Variants in ELK3 observed in about 807,000 individuals in gnomAD.
ELK3 encodes the protein ETS domain-containing protein Elk-3.
ELK3 carries 10 observed loss-of-function variants against 28.9 expected under a neutral mutation model. That is an observed-to-expected ratio of 0.35 (90% CI 0.21 to 0.59). The LOEUF is 0.59. ELK3 is among the 20% of genes least tolerant of loss of function. The pLI, the probability that ELK3 is intolerant of heterozygous loss-of-function variation, is 0.82. For synonymous variants in ELK3, 272 were observed against 243.5 expected, an observed-to-expected ratio of 1.12 and a Z score of -1.09; for missense variants, 463 against 517.3, an observed-to-expected ratio of 0.90 and a Z score of 1.02.
intron 1 of ELK3, among the ~76,000 whole-genome samples, chr12:96,218,053 T>C (rs955935884): frequency 4.6e-5 from 7 of 151,858 alleles, no homozygotes; most frequent in African/African-American, 1.7e-4. Flanking sequence ...CTCTAAATCA[T>C]CTAACTTCAC....
chr12:96,236,211 A>G (rs757520444), intron 2 of ELK3, among the ~76,000 whole-genome samples: 12 of 152,156 alleles, frequency 7.9e-5, no homozygotes, highest in Non-Finnish European at 1.6e-4. Context: ...CAGGAGGGAG[A>G]CAGGACTCCA....
chr12:96,197,907 G>T (rs1034763716), intron 1 of ELK3: 1 of 152,120 alleles, frequency 6.6e-6, no homozygotes, highest in Admixed American at 6.6e-5. Flanking sequence ...TCCTGAAATT[G>T]GTTTTAAAGG....
intron 2 of ELK3, among the ~76,000 whole-genome samples, chr12:96,232,178 T>C (rs939421595): frequency 2.0e-5 from 3 of 152,098 alleles, no homozygotes; most frequent in Non-Finnish European, 4.4e-5. Flanking sequence ...CAGAGTATCT[T>C]GGGAGTGAGG....
At chr12:96,205,044 T>C (rs1399009259) in intron 1 of ELK3, among the ~76,000 whole-genome samples, 3 of 152,226 alleles carry the variant, frequency 2.0e-5, no homozygotes, top group African/African-American at 7.2e-5. Context: ...AATAGGTGAC[T>C]TCAGTTGGTG....
At chr12:96,253,934 G>A (rs191673484) in intron 3 of ELK3, among the ~76,000 whole-genome samples, 5 of 152,298 alleles carry the variant, frequency 3.3e-5, no homozygotes, top group East Asian at 1.9e-4. Context: ...TCCAGCATAC[G>A]GGGCAATATA....
intron 1 of ELK3, among the ~76,000 whole-genome samples, chr12:96,197,553 G>C (rs562465435): frequency 6.6e-6 from 1 of 152,308 alleles, no homozygotes; most frequent in African/African-American, 2.4e-5. Context: ...TTTTTGGTCA[G>C]TAACATGCAA....
chr12:96,260,010 G>C (rs909455712), intron 4 of ELK3, among the ~76,000 whole-genome samples, 157 bp downstream of exon 4: 16 of 152,312 alleles, frequency 1.1e-4, no homozygotes, highest in African/African-American at 3.8e-4. Context: ...GCCCTTCAGA[G>C]GCAGACATTT....
At chr12:96,264,965 G>GAA (rs1565794724) in intron 4 of ELK3, among the ~76,000 whole-genome samples, 3 of 152,148 alleles carry the variant, frequency 2.0e-5, no homozygotes, top group Admixed American at 1.3e-4. Flanking sequence ...TAACACACTC[G>GAA]TAAGTGGTGG....
intron 1 of ELK3, among the ~76,000 whole-genome samples, chr12:96,195,324 G>C (rs148376658): frequency 0.021 from 3,269 of 152,290 alleles, 52 homozygotes; most frequent in Middle Eastern, 0.031. Context: ...CCCCCGCCCA[G>C]GTCACCGCCC....
Position 96,201,715 on chromosome 12 carries a change from A to G in ELK3, c.-3+7010A>G, listed in dbSNP as rs181254002. Among the ~76,000 whole-genome samples the G allele has an allele frequency of 3.9e-3, 595 of 152,192 alleles. 7 individuals are homozygous for G. Among genetic ancestry groups the G allele is most frequent in the African/African-American group, 0.013 (548 of 41,512 alleles). ...CTCCTAAGAGTTGTGAAAGTGTGATATGAACTTCTTGCTGTCATCTCCAGA... is the reference window on the plus strand; with the variant it reads ...CTCCTAAGAGTTGTGAAAGTGTGATGTGAACTTCTTGCTGTCATCTCCAGA... On this transcript the variant is annotated intron_variant, in intron 1 of 4. Coordinates refer to ENST00000228741, the MANE Select transcript of ELK3 (RefSeq NM_005230.4).
At chr12:96,217,992 C>T (rs896315784) in intron 1 of ELK3, among the ~76,000 whole-genome samples, 1 of 150,872 alleles carries the variant, frequency 6.6e-6, no homozygotes, top group African/African-American at 2.4e-5. Flanking sequence ...AATCACTTTT[C>T]CTCCTCCTCC....
rs369393360 is a variant in ELK3, at chr12:96,235,716, G to A, written c.208-11224G>A. On this transcript the variant is annotated intron_variant, in intron 2 of 4. Coordinates refer to ENST00000228741, the MANE Select transcript of ELK3 (RefSeq NM_005230.4). ...CTGCCCGGCCATGCCATCTGCCAGC[G>A]CTGGAGGTGGCCGCTCAACACAGGA... Among the ~76,000 whole-genome samples the A allele has an allele frequency of 6.1e-4, 93 of 152,276 alleles. 1 individual carries two copies. In the East Asian group the frequency reaches 8.5e-3, roughly 14 times the overall value.
intron 2 of ELK3, among the ~76,000 whole-genome samples, chr12:96,233,341 A>AC (rs1159762165): frequency 1.3e-5 from 2 of 151,776 alleles, no homozygotes; most frequent in African/African-American, 4.8e-5. Context: ...TGAACATTCA[A>AC]CCCCGGGGGA....
At chr12:96,205,544 G>C (rs1299555974) in intron 1 of ELK3, among the ~76,000 whole-genome samples, 1 of 152,136 alleles carries the variant, frequency 6.6e-6, no homozygotes, top group Non-Finnish European at 1.5e-5. Flanking sequence ...CACAATCATA[G>C]CTCACTGCAG....
At chr12:96,257,937 A>G (rs1951963712) in intron 3 of ELK3, among the ~76,000 whole-genome samples, 1 of 152,258 alleles carries the variant, frequency 6.6e-6, no homozygotes, top group Non-Finnish European at 1.5e-5. Context: ...AAAAACATGT[A>G]TGAAGTACCT....
rs1477869285 is a variant in ELK3 at position 96,247,523 on chromosome 12, C to T, written c.791C>T (p.Ala264Val). ...CACAGAAGCCTCTTCCTGGAGGCCG[C>T]CTGCCATGACTCCGATTCCCTGGAG... is the stretch of plus-strand genomic sequence containing the variant. ...SEHRSLFLEA[A>V]CHDSDSLEPL... The change falls in exon 3 of 5, where the codon GCC becomes GTC. Residue 264 changes from alanine to valine, a missense_variant. Coordinates refer to ENST00000228741, the MANE Select transcript of ELK3 (RefSeq NM_005230.4). The surrounding 1 kb of genome is among the most constrained non-coding windows in gnomAD (Gnocchi z 5.5). 8 of 1,614,144 alleles carry T rather than the reference C, an allele frequency of 5.0e-6. No homozygotes were observed. Among genetic ancestry groups the T allele is most frequent in the Non-Finnish European group, 6.8e-6 (8 of 1,180,026 alleles).
In ELK3 at chr12:96,269,018, A is replaced by AAGTT. The variant is rs1952064751; in HGVS notation, c.*1842_*1845dup. ...GGAACTGATATTTACTGAACATACA[A>AAGTT]AGTTAGTGCTAGAAGGGGCCTTTGA... On this transcript the variant is annotated 3_prime_UTR_variant, in exon 5 of 5. Coordinates refer to ENST00000228741, the MANE Select transcript of ELK3 (RefSeq NM_005230.4). 1 of 151,638 alleles carries AAGTT rather than the reference A, an allele frequency of 6.6e-6. No individual in the cohort carries two copies. The highest frequency in any genetic ancestry group is 1.9e-4 in the East Asian group (1 of 5,168). 9.4% of individuals were successfully genotyped at this position (151,638 alleles called of 1,614,324 possible).
intron 1 of ELK3, among the ~76,000 whole-genome samples, chr12:96,195,222 A>G (rs1315993294): frequency 6.6e-6 from 1 of 151,970 alleles, no homozygotes; most frequent in Admixed American, 6.5e-5. Flanking sequence ...GCTCGGATCC[A>G]GGGAGGAAGA....
At chr12:96,219,841 A>G (rs147491046) in intron 1 of ELK3, among the ~76,000 whole-genome samples, 262 of 152,314 alleles carry the variant, frequency 1.7e-3, no homozygotes, top group Middle Eastern at 6.8e-3. Context: ...GGAAGGCTAC[A>G]TGACTGCCCA....
Sources: gnomAD v4.1 joint callset for allele counts (sites outside exome capture counted in the v4.1 genomes callset) on GRCh38, gnomAD v4.1.1 for gene constraint, Gnocchi (gnomAD v3.1) non-coding constraint, MANE v1.5 for transcripts, NCBI Gene and HGNC (gene_info 2026-07-23, HGNC 2026-07-21) for gene names.